PRKCZ: variants seen among roughly 807,000 people sequenced by gnomAD.
PRKCZ encodes the protein protein kinase C zeta, also known as protein kinase C zeta type.
PRKCZ carries 33 observed loss-of-function variants against 79.5 expected under a neutral mutation model. The observed-to-expected ratio is 0.41, with a 90% CI of 0.31 to 0.55. PRKCZ has a LOEUF of 0.55. Among genes scored for constraint, PRKCZ ranks in the 20% least tolerant of loss-of-function variants. The pLI, the probability that PRKCZ is intolerant of heterozygous loss-of-function variation, is 0.19. For synonymous variants in PRKCZ, 342 were observed against 320.9 expected, an observed-to-expected ratio of 1.07 and a Z score of -0.70; for missense variants, 578 against 813.5, an observed-to-expected ratio of 0.71 and a Z score of 3.52.
intron 4 of PRKCZ, among the ~76,000 whole-genome samples, chr1:2,085,480 C>A (rs530379618): frequency 6.6e-6 from 1 of 152,260 alleles, no homozygotes; most frequent in African/African-American, 2.4e-5. Flanking sequence ...TTGCTGCGCA[C>A]GGTGCTTTTT....
At chr1:2,095,004 G>T (rs1268452821) in intron 4 of PRKCZ, among the ~76,000 whole-genome samples, 1 of 152,126 alleles carries the variant, frequency 6.6e-6, no homozygotes, top group Non-Finnish European at 1.5e-5. Flanking sequence ...TGTGGGTGAT[G>T]CAGACACTGA....
chr1:2,138,961 T>C (rs1323759382), intron 5 of PRKCZ, among the ~76,000 whole-genome samples: 1 of 152,132 alleles, frequency 6.6e-6, no homozygotes, highest in Non-Finnish European at 1.5e-5. Flanking sequence ...TGTGCAGATC[T>C]CTGGAGAAAA....
intron 5 of PRKCZ, chr1:2,142,692 G>A (rs1484043315): frequency 1.2e-5 from 2 of 165,474 alleles, no homozygotes; most frequent in African/African-American, 2.4e-5. Flanking sequence ...TTCCTGTGAC[G>A]AAGTTGAAAG....
chr1:2,096,716 G>A (rs955221356), intron 4 of PRKCZ, among the ~76,000 whole-genome samples: 1 of 152,120 alleles, frequency 6.6e-6, no homozygotes, highest in South Asian at 2.1e-4. Context: ...TCCGAATCAG[G>A]GTCTGGGTTG....
rs1683182286 is a variant in PRKCZ, at chr1:2,165,716, GC to G, written c.975-3799del. ...TTCTGTACACACATGGTGGTGGCCC[GC>G]CCGGACCCATCTGGTTAATTCTTGA... is the stretch of plus-strand genomic sequence containing the variant. On this transcript the variant is annotated intron_variant, in intron 10 of 17. Transcript: ENST00000378567. The surrounding 1 kb of genome is among the most constrained non-coding windows in gnomAD (Gnocchi z 4.1). Among the ~76,000 whole-genome samples the G allele has an allele frequency of 6.6e-6, 1 of 152,166 alleles. No homozygotes were observed. Among genetic ancestry groups the G allele is most frequent in the Non-Finnish European group, 1.5e-5 (1 of 68,032 alleles).
chr1:2,081,307 C>T (rs13303049), intron 4 of PRKCZ, among the ~76,000 whole-genome samples: 16,554 of 152,186 alleles, frequency 0.11, 987 homozygotes, highest in Middle Eastern at 0.15. Context: ...GGCACTGGGG[C>T]CCCTGCAGGC....
chr1:2,117,998 C>CCTTTTTTTTTTTTT lies in PRKCZ; in HGVS notation c.335-17264_335-17263insCTTTTTTTTTTTTT, dbSNP rs58233626. ...TATGAGAGAGATTAGCCTATTATTT[C>CCTTTTTTTTTTTTT]TTTTTTTTTTTTTTTTGGAGTCTCA... On this transcript the variant is annotated intron_variant, in intron 4 of 17. Coordinates refer to ENST00000378567, the MANE Select transcript of PRKCZ (RefSeq NM_002744.6). 4.9e-4 allele frequency among the ~76,000 whole-genome samples: 32 copies of CCTTTTTTTTTTTTT among 65,084 alleles called. 6 individuals are homozygous for CCTTTTTTTTTTTTT. The highest frequency in any genetic ancestry group is 0.012 in the Middle Eastern group (1 of 82). The allele number at this position is 65,084 out of a possible 152,430, so 42.7% of individuals were successfully genotyped here. A position where few individuals can be genotyped will look rare whatever the true frequency, so the allele number is the denominator to read the frequency against.
At chr1:2,162,481 G>T (rs1682510486) in intron 10 of PRKCZ, among the ~76,000 whole-genome samples, 1 of 152,198 alleles carries the variant, frequency 6.6e-6, no homozygotes, top group Non-Finnish European at 1.5e-5. Context: ...ATTACCTGGG[G>T]CGAAATTGAC....
At chr1:2,109,962 G>T (rs559186570) in intron 4 of PRKCZ, among the ~76,000 whole-genome samples, 1 of 152,316 alleles carries the variant, frequency 6.6e-6, no homozygotes, top group South Asian at 2.1e-4. Flanking sequence ...CGTCTCCAGG[G>T]ATGTCCAGTG....
rs1378158343 is a variant in PRKCZ at position 2,069,708 on chromosome 1, C to T, written c.334+10117C>T. On this transcript the variant is annotated intron_variant, in intron 4 of 17. Coordinates refer to ENST00000378567, the MANE Select transcript of PRKCZ (RefSeq NM_002744.6). ...GAGGGACCTCCCGACACCCTGGCTC[C>T]TCCGTGTTGGCTCCAGGGGCTTCCT... 5.9e-5 allele frequency among the ~76,000 whole-genome samples: 9 copies of T among 152,194 alleles called. No homozygotes were observed. The East Asian group carries it at 1.7e-3, about 29-fold the overall frequency.
intron 4 of PRKCZ, among the ~76,000 whole-genome samples, chr1:2,096,695 G>T (rs1455278913): frequency 3.3e-5 from 5 of 152,272 alleles, no homozygotes; most frequent in African/African-American, 1.2e-4. Context: ...GGTGAATGTG[G>T]AGCTGAGCGG....
chr1:2,104,144 C>T (rs370583745), intron 4 of PRKCZ, among the ~76,000 whole-genome samples: 9 of 151,862 alleles, frequency 5.9e-5, no homozygotes, highest in Non-Finnish European at 1.0e-4. Flanking sequence ...GTTTCCGTGG[C>T]GGCTCTGGGG....
At chr1:2,158,349 C>G (rs1681521390) in intron 10 of PRKCZ, among the ~76,000 whole-genome samples, 2 of 152,236 alleles carry the variant, frequency 1.3e-5, no homozygotes, top group Admixed American at 1.3e-4. Context: ...GGGTAAATTC[C>G]AAGCTTCCTG....
At chr1:2,073,697 TACCACCC>T in intron 4 of PRKCZ, 1 of 992,342 alleles carries the variant, frequency 1.0e-6, no homozygotes, top group Non-Finnish European at 1.2e-6. Flanking sequence ...GGGAGCCGGG[TACCACCC>T]GGGCCTGGAG....
chr1:2,099,294 C>G (rs1347911272), intron 4 of PRKCZ, among the ~76,000 whole-genome samples: 1 of 152,250 alleles, frequency 6.6e-6, no homozygotes, highest in Non-Finnish European at 1.5e-5. Flanking sequence ...AGTGTGACGT[C>G]TGAGACCTTT....
Position 2,177,283 on chromosome 1 carries a change from A to T in PRKCZ, c.1575+1970A>T, listed in dbSNP as rs1441878076. Among the ~76,000 whole-genome samples the T allele has an allele frequency of 1.3e-5, 2 of 152,160 alleles. No homozygotes were observed. The highest frequency in any genetic ancestry group is 2.9e-5 in the Non-Finnish European group (2 of 68,014). On this transcript the variant is annotated intron_variant, in intron 16 of 17. Coordinates refer to ENST00000378567, the MANE Select transcript of PRKCZ (RefSeq NM_002744.6). The surrounding 1 kb of genome is among the most constrained non-coding windows in gnomAD (Gnocchi z 6.4). ...GCTGAACCCGTAGCAGGTGCTTAGT[A>T]GAATTACGTGAGGAGCCAGCATCCC...
intron 16 of PRKCZ, chr1:2,181,722 G>T: frequency 2.3e-6 from 1 of 439,594 alleles, no homozygotes; most frequent in South Asian, 1.6e-5. Context: ...CTCCAGCTGG[G>T]TCCTGCTCTG....
chr1:2,132,159 A>G (rs1263347033), intron 4 of PRKCZ, among the ~76,000 whole-genome samples: 1 of 152,130 alleles, frequency 6.6e-6, no homozygotes, highest in Non-Finnish European at 1.5e-5. Flanking sequence ...TTCTATAGCA[A>G]TGGCACCATG....
intron 4 of PRKCZ, among the ~76,000 whole-genome samples, chr1:2,067,957 T>C (rs1486119095): frequency 1.3e-4 from 20 of 152,234 alleles, no homozygotes. Context: ...TGGGCTGACC[T>C]GGGACGGGGC....
Sources: gnomAD v4.1 joint callset for allele counts (sites outside exome capture counted in the v4.1 genomes callset) on GRCh38, gnomAD v4.1.1 for gene constraint, Gnocchi (gnomAD v3.1) non-coding constraint, MANE v1.5 for transcripts, NCBI Gene and HGNC (gene_info 2026-07-23, HGNC 2026-07-21) for gene names.